Variants in PDGFC observed in about 807,000 individuals in gnomAD.
PDGFC encodes the protein platelet derived growth factor C, also known as platelet-derived growth factor C.
A neutral mutation model predicts 35.5 loss-of-function variants in PDGFC; 12 were observed. The ratio of observed to expected loss-of-function variants is 0.34; its 90% CI spans 0.22 to 0.55. The LOEUF is 0.55. Ranked by LOEUF, PDGFC falls within the 20% of genes least tolerant of loss-of-function variation. The pLI is 0.91. For synonymous variants in PDGFC, 159 were observed against 148.8 expected, an observed-to-expected ratio of 1.07 and a Z score of -0.50; for missense variants, 322 against 412.4, an observed-to-expected ratio of 0.78 and a Z score of 1.90.
intron 1 of PDGFC, among the ~76,000 whole-genome samples, chr4:156,949,431 C>G (rs1032506205): frequency 4.7e-5 from 7 of 150,142 alleles, no homozygotes; most frequent in African/African-American, 1.5e-4. Context: ...GTGTGTGTGT[C>G]TCTCTCTCTT....
intron 1 of PDGFC, among the ~76,000 whole-genome samples, chr4:156,955,211 G>A (rs112212662): frequency 3.3e-5 from 5 of 152,062 alleles, no homozygotes; most frequent in African/African-American, 1.2e-4. Flanking sequence ...CACACCCCAG[G>A]CACTAACTCA....
Position 156,762,680 on chromosome 4 carries a change from C to T in PDGFC, c.*410G>A, listed in dbSNP as rs570634388. On this transcript the variant is annotated 3_prime_UTR_variant, in exon 6 of 6. Coordinates refer to ENST00000502773, the MANE Select transcript of PDGFC (RefSeq NM_016205.3). ...ACGATTTTAGGCCCAGGACATGGAGCTTTAGAGTTAAGCAAGGCAACGGAA... is the reference window on the plus strand; with the variant it reads ...ACGATTTTAGGCCCAGGACATGGAGTTTTAGAGTTAAGCAAGGCAACGGAA... 4.7e-4 allele frequency: 72 copies of T among 153,642 alleles called. No homozygotes were observed. The South Asian group carries it at 8.7e-3, about 18-fold the overall frequency. 9.5% of individuals were successfully genotyped at this position (153,642 alleles called of 1,614,324 possible).
At chr4:156,890,145 G>A (rs1179243549) in intron 1 of PDGFC, among the ~76,000 whole-genome samples, 3 of 152,016 alleles carry the variant, frequency 2.0e-5, no homozygotes, top group African/African-American at 7.2e-5. Flanking sequence ...TGAGGTGACT[G>A]TATCATATGG....
intron 1 of PDGFC, among the ~76,000 whole-genome samples, chr4:156,961,030 T>C (rs1380137457): frequency 3.3e-5 from 5 of 152,098 alleles, no homozygotes; most frequent in Non-Finnish European, 7.4e-5. Context: ...GTAGGAGAAA[T>C]GAATACTTCT....
chr4:156,809,001 C>T (rs997837339), intron 3 of PDGFC, among the ~76,000 whole-genome samples: 2 of 152,024 alleles, frequency 1.3e-5, no homozygotes, highest in Non-Finnish European at 2.9e-5. Flanking sequence ...ATGTAGGACA[C>T]TACCTTCATT....
At chr4:156,788,657 G>A (rs999918694) in intron 3 of PDGFC, among the ~76,000 whole-genome samples, 6 of 152,194 alleles carry the variant, frequency 3.9e-5, no homozygotes, top group African/African-American at 1.4e-4. Context: ...GAAACATTCA[G>A]TGTAAGCAGT....
At chr4:156,899,877 C>A (rs1730724651) in intron 1 of PDGFC, among the ~76,000 whole-genome samples, 1 of 152,142 alleles carries the variant, frequency 6.6e-6, no homozygotes, top group Admixed American at 6.5e-5. Flanking sequence ...ATTGCAAAAT[C>A]CAAAAGATAA....
chr4:156,838,494 A>G (rs771814630), intron 2 of PDGFC, among the ~76,000 whole-genome samples: 1 of 151,638 alleles, frequency 6.6e-6, no homozygotes, highest in Non-Finnish European at 1.5e-5. Context: ...ATACCTTGAC[A>G]CTTTCATGAC....
intron 3 of PDGFC, among the ~76,000 whole-genome samples, chr4:156,779,877 C>A (rs1730929932): frequency 6.6e-6 from 1 of 152,164 alleles, no homozygotes; most frequent in Non-Finnish European, 1.5e-5. Flanking sequence ...AAAATTCACC[C>A]TAGTGCAAGC....
intron 1 of PDGFC, among the ~76,000 whole-genome samples, chr4:156,856,916 A>G (rs1729597223): frequency 6.6e-6 from 1 of 152,062 alleles, no homozygotes; most frequent in South Asian, 2.1e-4. Flanking sequence ...GAGATCTGCC[A>G]TTTTCTTAAT....
At chr4:156,885,880 CAAATAAAT>C (rs200570918) in intron 1 of PDGFC, among the ~76,000 whole-genome samples, 5 of 151,600 alleles carry the variant, frequency 3.3e-5, no homozygotes, top group South Asian at 2.1e-4. Context: ...AGATCTTGTC[CAAATAAAT>C]AAATAAATAA....
chr4:156,922,975 A>C (rs1212775186), intron 1 of PDGFC, among the ~76,000 whole-genome samples: 1 of 152,022 alleles, frequency 6.6e-6, no homozygotes, highest in Non-Finnish European at 1.5e-5. Flanking sequence ...TTCCAAATTG[A>C]CCCTTTACTC....
chr4:156,832,380 C>T (rs1468216541), intron 2 of PDGFC, among the ~76,000 whole-genome samples: 1 of 151,834 alleles, frequency 6.6e-6, no homozygotes, highest in African/African-American at 2.4e-5. Context: ...CCTCAGCCTC[C>T]TGAGTAGCTG....
At chr4:156,764,803 T>C (rs938021879) in intron 5 of PDGFC, among the ~76,000 whole-genome samples, 3 of 152,220 alleles carry the variant, frequency 2.0e-5, no homozygotes, top group Admixed American at 6.5e-5. Context: ...ATATTGGCAC[T>C]ATTCCTTATC....
intron 2 of PDGFC, among the ~76,000 whole-genome samples, chr4:156,820,369 T>C (rs1027397479): frequency 2.0e-5 from 3 of 152,224 alleles, no homozygotes; most frequent in Non-Finnish European, 2.9e-5. Context: ...CATTGTTGTC[T>C]TATTTTAATA....
intron 1 of PDGFC, among the ~76,000 whole-genome samples, chr4:156,872,651 A>G (rs1358906179): frequency 2.6e-5 from 4 of 152,242 alleles, no homozygotes; most frequent in Non-Finnish European, 4.4e-5. Context: ...ACTTAAGCTC[A>G]CAAAATATGT....
chr4:156,864,081 C>T (rs1362924632), intron 1 of PDGFC, among the ~76,000 whole-genome samples: 1 of 152,058 alleles, frequency 6.6e-6, no homozygotes, highest in Non-Finnish European at 1.5e-5. Flanking sequence ...CACAGTGCCT[C>T]ACACATAATA....
intron 1 of PDGFC, among the ~76,000 whole-genome samples, chr4:156,948,525 G>A (rs971465912): frequency 5.3e-5 from 8 of 151,918 alleles, no homozygotes; most frequent in African/African-American, 1.2e-4. Context: ...GGTGCTTTCC[G>A]TTACAATAGG....
chr4:156,885,600 T>C (rs1368344822), intron 1 of PDGFC, among the ~76,000 whole-genome samples: 1 of 152,106 alleles, frequency 6.6e-6, no homozygotes, highest in Non-Finnish European at 1.5e-5. Context: ...TGTAATAAGA[T>C]TTAGGTCATG....
Sources: gnomAD v4.1 joint callset for allele counts (sites outside exome capture counted in the v4.1 genomes callset) on GRCh38, gnomAD v4.1.1 for gene constraint, MANE v1.5 for transcripts, NCBI Gene and HGNC (gene_info 2026-07-23, HGNC 2026-07-21) for gene names.